Variants in STAG1 observed in about 807,000 individuals in gnomAD.
STAG1 encodes cohesin subunit SA-1.
STAG1 carries 26 observed loss-of-function variants against 170.9 expected under a neutral mutation model. The observed-to-expected ratio is 0.15, with a 90% CI of 0.11 to 0.21. The LOEUF is 0.21. STAG1 is among the 10% of genes least tolerant of loss of function. STAG1 has a pLI of 1.00. For synonymous variants in STAG1, 514 were observed against 497.7 expected, an observed-to-expected ratio of 1.03 and a Z score of -0.44; for missense variants, 964 against 1,509.5, an observed-to-expected ratio of 0.64 and a Z score of 5.99.
chr3:136,343,055 C>A (rs1230507486), intron 30 of STAG1, among the ~76,000 whole-genome samples: 1 of 152,178 alleles, frequency 6.6e-6, no homozygotes, highest in Non-Finnish European at 1.5e-5. Flanking sequence ...TTTGATACTT[C>A]TAACACTGTC....
intron 4 of STAG1, chr3:136,586,828 T>C (rs756214712): frequency 3.7e-5 from 17 of 456,520 alleles, no homozygotes; most frequent in Non-Finnish European, 5.3e-5. Flanking sequence ...TTCCCATCAA[T>C]GGAATGTAAA....
chr3:136,682,250 C>A (rs1378134369), intron 1 of STAG1, among the ~76,000 whole-genome samples: 2 of 151,658 alleles, frequency 1.3e-5, no homozygotes, highest in Non-Finnish European at 2.9e-5. Flanking sequence ...CATGGTGAAA[C>A]CCTGTCTCTA....
chr3:136,685,401 A>G (rs1344760996), intron 1 of STAG1, among the ~76,000 whole-genome samples: 1 of 152,182 alleles, frequency 6.6e-6, no homozygotes, highest in African/African-American at 2.4e-5. Context: ...CAGACCTTAA[A>G]CAGACACCTC....
Position 136,604,295 on chromosome 3 carries a change from AACTT to A in STAG1, c.297+10_297+13del. The A allele has an allele frequency of 6.2e-7, 1 of 1,602,696 alleles. No individual in the cohort carries two copies. The highest frequency in any genetic ancestry group is 8.5e-7 in the Non-Finnish European group (1 of 1,176,474). On this transcript the variant is annotated intron_variant, in intron 4 of 33. Coordinates refer to ENST00000383202, the MANE Select transcript of STAG1 (RefSeq NM_005862.3). ...TGTATTGCTTTATACGTGAAATAAA[AACTT>A]AAAATTTACCTGCATTGCACTTTTC... is the stretch of plus-strand genomic sequence containing the variant.
chr3:136,421,516 T>C (rs913373214), intron 19 of STAG1, among the ~76,000 whole-genome samples: 1 of 152,060 alleles, frequency 6.6e-6, no homozygotes, highest in Non-Finnish European at 1.5e-5. Context: ...AGGAAAATCA[T>C]AAATAATGGT....
At position 136,402,602 on chromosome 3, in the gene STAG1, G is replaced by A. The variant is rs186007155; in HGVS notation, c.2197-3773C>T. On this transcript the variant is annotated intron_variant, in intron 21 of 33. Coordinates refer to ENST00000383202, the MANE Select transcript of STAG1 (RefSeq NM_005862.3). ...TCTCAGCATTTTGGCAGGCCGAGGCGGGTGGATCACCTGAGGTCAGGAGTT... is the reference window on the plus strand; with the variant it reads ...TCTCAGCATTTTGGCAGGCCGAGGCAGGTGGATCACCTGAGGTCAGGAGTT... Among the ~76,000 whole-genome samples the A allele has an allele frequency of 7.3e-3, 1,114 of 151,926 alleles. 21 individuals carry two copies. The highest frequency in any genetic ancestry group is 0.024 in the African/African-American group (1,007 of 41,450).
At position 136,357,772 on chromosome 3, in the gene STAG1, C is replaced by A; in HGVS notation, c.3013G>T (p.Glu1005Ter). The A allele has an allele frequency of 6.2e-7, 1 of 1,608,118 alleles. No homozygotes were observed. Among genetic ancestry groups the A allele is most frequent in the South Asian group, 1.1e-5 (1 of 89,456 alleles). ...EYPPPNLAFL[E>*]VLSEFSSKLL... ...TTAGAAGAAAATTCACTTAGTACTT[C>A]AAGAAAAGCCAGATTAGGAGGTGGA... The change falls in exon 28 of 34, where the codon GAA becomes TAA. Residue 1005 changes from glutamate (E) to a stop codon, truncating the protein, a stop_gained. Coordinates refer to ENST00000383202, the MANE Select transcript of STAG1 (RefSeq NM_005862.3). LOFTEE classifies it high-confidence loss of function.
At chr3:136,383,092 G>A (rs1938066469) in intron 22 of STAG1, among the ~76,000 whole-genome samples, 1 of 152,146 alleles carries the variant, frequency 6.6e-6, no homozygotes, top group Non-Finnish European at 1.5e-5. Context: ...TTTTGCTCAA[G>A]TTGAGGAAGG....
At chr3:136,409,036 C>T (rs1466242526) in intron 21 of STAG1, among the ~76,000 whole-genome samples, 2 of 151,968 alleles carry the variant, frequency 1.3e-5, no homozygotes, top group East Asian at 1.9e-4. Flanking sequence ...GAGGCCGAGG[C>T]GGGTGGATCA....
intron 13 of STAG1, among the ~76,000 whole-genome samples, chr3:136,459,075 A>G (rs1368406253): frequency 6.6e-6 from 1 of 152,062 alleles, no homozygotes; most frequent in Non-Finnish European, 1.5e-5. Flanking sequence ...AAAATTAGCC[A>G]GGCGTGGTGA....
chr3:136,622,026 G>A lies in STAG1; in HGVS notation c.132+1120C>T, dbSNP rs548045192. On this transcript the variant is annotated intron_variant, in intron 3 of 33. Transcript: ENST00000383202. ...AAAAAAAAAAAAGAGGGCTGGGTGC[G>A]GTGCCTCAGGCCTGTAATCCCAGCA... Among the ~76,000 whole-genome samples the A allele has an allele frequency of 5.4e-5, 8 of 148,746 alleles. No homozygotes were observed. In the East Asian group the frequency reaches 5.8e-4, roughly 11 times the overall value.
intron 5 of STAG1, among the ~76,000 whole-genome samples, chr3:136,549,659 T>A (rs1576595739): frequency 1.6e-4 from 2 of 12,632 alleles, no homozygotes; most frequent in Non-Finnish European, 2.2e-4. Flanking sequence ...ACTTCTTCCG[T>A]TTTTTTTTTT....
At chr3:136,602,849 A>C (rs1411501875) in intron 4 of STAG1, among the ~76,000 whole-genome samples, 1 of 152,188 alleles carries the variant, frequency 6.6e-6, no homozygotes, top group Non-Finnish European at 1.5e-5. Flanking sequence ...CAGAAACAAA[A>C]GTATAATGAA....
At chr3:136,530,968 G>C (rs1485496135) in intron 6 of STAG1, among the ~76,000 whole-genome samples, 3 of 152,080 alleles carry the variant, frequency 2.0e-5, no homozygotes, top group Non-Finnish European at 4.4e-5. Context: ...AGCTGGGTGT[G>C]GTCATGGGCG....
chr3:136,615,516 C>T (rs1388284096), intron 3 of STAG1, among the ~76,000 whole-genome samples: 6 of 150,838 alleles, frequency 4.0e-5, no homozygotes, highest in East Asian at 2.0e-4. Flanking sequence ...CGGTGGCTCA[C>T]GCCTGTAATC....
At chr3:136,470,207 A>C (rs1049439859) in intron 12 of STAG1, among the ~76,000 whole-genome samples, 15 of 152,218 alleles carry the variant, frequency 9.9e-5, no homozygotes, top group African/African-American at 2.2e-4. Flanking sequence ...CAACCTACAG[A>C]ATGGGAGAAA....
chr3:136,705,567 T>C (rs919192651), intron 1 of STAG1, among the ~76,000 whole-genome samples: 1 of 152,106 alleles, frequency 6.6e-6, no homozygotes, highest in Non-Finnish European at 1.5e-5. Context: ...AATTGAATCA[T>C]GGGGGTGGGT....
intron 23 of STAG1, among the ~76,000 whole-genome samples, chr3:136,370,040 G>A (rs898929270): frequency 4.1e-4 from 60 of 147,838 alleles, no homozygotes; most frequent in Non-Finnish European, 6.9e-4. Context: ...TGTTACTGGC[G>A]TATGTATTTA....
intron 4 of STAG1, among the ~76,000 whole-genome samples, chr3:136,577,777 T>C (rs935417547): frequency 2.0e-5 from 3 of 152,204 alleles, no homozygotes; most frequent in East Asian, 1.9e-4. Context: ...ACATGTATGA[T>C]AGTAGATTCT....
Sources: allele counts gnomAD v4.1 joint callset (sites outside exome capture counted in the v4.1 genomes callset), GRCh38; gene constraint gnomAD v4.1.1; transcripts MANE v1.5; gene names NCBI Gene and HGNC (gene_info 2026-07-23, HGNC 2026-07-21).